Variants in BABAM2 observed in about 807,000 individuals in gnomAD.
The protein encoded by BABAM2 is BRISC and BRCA1-A complex member 2.
BABAM2 carries 31 observed loss-of-function variants against 54.7 expected under a neutral mutation model. The observed-to-expected ratio is 0.57, with a 90% CI of 0.43 to 0.77. The LOEUF (loss-of-function observed/expected upper bound fraction) is 0.77, where lower values mean the gene tolerates loss of function less well. Among genes scored for constraint, BABAM2 ranks in the 30% least tolerant of loss-of-function variants. BABAM2 has a pLI of 0.00. For missense variants in BABAM2, 364 were observed against 455.8 expected (o/e 0.80, Z 1.83); for synonymous variants, 167 against 162.9 (o/e 1.03, Z -0.19).
At chr2:28,149,282 C>T (rs1409385572) in intron 7 of BABAM2, among the ~76,000 whole-genome samples, 1 of 152,164 alleles carries the variant, frequency 6.6e-6, no homozygotes, top group African/African-American at 2.4e-5. Context: ...GAAGACTCAG[C>T]TCCTTGGTGT....
chr2:28,230,479 G>T (rs961962666), intron 7 of BABAM2, among the ~76,000 whole-genome samples: 7 of 151,802 alleles, frequency 4.6e-5, no homozygotes, highest in African/African-American at 1.5e-4. Flanking sequence ...ACTTTGGGAG[G>T]CCAAGGCAGC....
chr2:28,044,684 T>C (rs528180234), intron 5 of BABAM2, among the ~76,000 whole-genome samples: 2 of 152,328 alleles, frequency 1.3e-5, no homozygotes, highest in Non-Finnish European at 2.9e-5. Context: ...TTTTAAGATG[T>C]GTTTAGGGGA....
chr2:27,913,421 T>G (rs999692226), intron 2 of BABAM2, among the ~76,000 whole-genome samples: 2 of 152,198 alleles, frequency 1.3e-5, no homozygotes, highest in African/African-American at 4.8e-5. Context: ...AACAGTAGTA[T>G]GTTATTGATA....
At chr2:28,122,781 G>A (rs916769852) in intron 6 of BABAM2, among the ~76,000 whole-genome samples, 2 of 148,032 alleles carry the variant, frequency 1.4e-5, no homozygotes, top group African/African-American at 2.7e-5. Flanking sequence ...AAGGCTAATT[G>A]TTGTTGTTTT....
chr2:28,218,405 T>A (rs1448613304), intron 7 of BABAM2, among the ~76,000 whole-genome samples: 1 of 152,258 alleles, frequency 6.6e-6, no homozygotes, highest in Non-Finnish European at 1.5e-5. Flanking sequence ...TTAGCTGTTA[T>A]ATCTCTTTAT....
At chr2:28,268,873 T>G (rs1388427702) in intron 10 of BABAM2, among the ~76,000 whole-genome samples, 2 of 152,242 alleles carry the variant, frequency 1.3e-5, no homozygotes, top group Non-Finnish European at 2.9e-5. Context: ...TGAGGTCCAC[T>G]GTAGAGATTA....
intron 9 of BABAM2, among the ~76,000 whole-genome samples, chr2:28,241,772 C>A (rs762848994): frequency 4.3e-4 from 65 of 151,756 alleles, no homozygotes; most frequent in African/African-American, 1.5e-3. Flanking sequence ...GGATTACAGG[C>A]GTGAGCCACC....
chr2:28,108,248 C>A (rs1240214001), intron 6 of BABAM2, among the ~76,000 whole-genome samples: 2 of 152,120 alleles, frequency 1.3e-5, no homozygotes, highest in Non-Finnish European at 2.9e-5. Flanking sequence ...TAATTGCATT[C>A]TTTCTTGCCT....
chr2:28,298,286 C>A, intron 10 of BABAM2, 52 bp from the exon 11 acceptor site: 1 of 1,563,196 alleles, frequency 6.4e-7, no homozygotes, highest in Non-Finnish European at 8.7e-7. Context: ...AAAAAAAAAT[C>A]TTAAGATGTG....
chr2:28,183,774 C>CACACACAT (rs61612113), intron 7 of BABAM2, among the ~76,000 whole-genome samples: 4 of 151,708 alleles, frequency 2.6e-5, no homozygotes, highest in Non-Finnish European at 2.9e-5. Context: ...CACACACACA[C>CACACACAT]GTACATTGAC....
chr2:28,013,249 A>G (rs1674526008), intron 4 of BABAM2: 2 of 412,262 alleles, frequency 4.9e-6, no homozygotes, highest in South Asian at 1.7e-5. Context: ...AAAGATTCTG[A>G]CACCCTGGCA....
intron 11 of BABAM2, among the ~76,000 whole-genome samples, chr2:28,300,237 C>T (rs1015702608): frequency 5.3e-5 from 8 of 152,192 alleles, no homozygotes; most frequent in Admixed American, 1.3e-4. Context: ...CTGCGCCCAG[C>T]CTGAGATTCT....
chr2:28,319,808 A>G (rs1009761018), intron 11 of BABAM2, among the ~76,000 whole-genome samples: 1 of 152,084 alleles, frequency 6.6e-6, no homozygotes, highest in Non-Finnish European at 1.5e-5. Context: ...AGTGCACATG[A>G]TTTTCCACAC....
chr2:27,890,075 T>G, upstream of BABAM2: 1 of 584,230 alleles, frequency 1.7e-6, no homozygotes, highest in Non-Finnish European at 3.0e-6. The surrounding 1 kb of genome is among the most constrained non-coding windows in gnomAD (Gnocchi z 4.8). Context: ...GATTTACCTT[T>G]ATATACTCAA....
chr2:28,077,573 T>C (rs1023965641), intron 6 of BABAM2, among the ~76,000 whole-genome samples: 1 of 152,060 alleles, frequency 6.6e-6, no homozygotes, highest in African/African-American at 2.4e-5. Context: ...ACAGTTAGGG[T>C]TTTTTTGAGG....
At chr2:28,233,317 C>A (rs906875307) in intron 7 of BABAM2, 1 of 469,836 alleles carries the variant, frequency 2.1e-6, no homozygotes, top group African/African-American at 2.0e-5. Context: ...CCTGCAGTCC[C>A]GGGAATGTCT....
intron 10 of BABAM2, among the ~76,000 whole-genome samples, chr2:28,259,419 G>T (rs547245306): frequency 2.0e-4 from 30 of 152,072 alleles, no homozygotes; most frequent in African/African-American, 7.2e-4. Context: ...ATGAGGTCTT[G>T]CTATGCTGCC....
Position 28,183,827 on chromosome 2 carries a change from A to G in BABAM2, c.681-53375A>G, listed in dbSNP as rs540303692. Among the ~76,000 whole-genome samples the G allele has an allele frequency of 2.0e-5, 3 of 151,862 alleles. No homozygotes were observed. In the East Asian group the frequency reaches 5.8e-4, roughly 29 times the overall value. On this transcript the variant is annotated intron_variant, in intron 7 of 11. Coordinates refer to ENST00000379624, the MANE Select transcript of BABAM2 (RefSeq NM_199191.3). ...GGGCAGACACCAGCATCTGTTAACC[A>G]AATGGTGGTATACAACATGCATGTC...
chr2:28,134,204 C>A (rs1478969046), intron 7 of BABAM2, among the ~76,000 whole-genome samples: 29 of 106,994 alleles, frequency 2.7e-4, no homozygotes, highest in African/African-American at 6.6e-4. Context: ...GTGAGTTATG[C>A]AAAAAAAAAA....
Sources: allele counts gnomAD v4.1 joint callset (sites outside exome capture counted in the v4.1 genomes callset), GRCh38; gene constraint gnomAD v4.1.1; non-coding constraint Gnocchi (gnomAD v3.1); transcripts MANE v1.5; gene names NCBI Gene and HGNC (gene_info 2026-07-23, HGNC 2026-07-21).